Variants in CDH13 observed in about 807,000 individuals in gnomAD.
CDH13 encodes cadherin 13.
CDH13 carries 24 observed loss-of-function variants against 63.8 expected under a neutral mutation model. The ratio of observed to expected loss-of-function variants is 0.38; its 90% CI spans 0.27 to 0.53. CDH13 has a LOEUF of 0.53. CDH13 is among the 20% of genes least tolerant of loss of function. The probability of loss-of-function intolerance (pLI) is 0.85; values close to 1 mark genes in which losing one functional copy is unlikely to be tolerated. For synonymous variants in CDH13, 503 were observed against 355.3 expected, an observed-to-expected ratio of 1.42 and a Z score of -4.67; for missense variants, 1,049 against 903.1, an observed-to-expected ratio of 1.16 and a Z score of -2.07.
intron 1 of CDH13, among the ~76,000 whole-genome samples, chr16:82,646,839 G>C (rs1238242962): frequency 6.6e-6 from 1 of 152,160 alleles, no homozygotes; most frequent in South Asian, 2.1e-4. Flanking sequence ...TTATAAGCTC[G>C]AGGGAAGCCT....
chr16:83,624,041 A>G (rs1187165082), intron 8 of CDH13, among the ~76,000 whole-genome samples: 1 of 152,156 alleles, frequency 6.6e-6, no homozygotes, highest in Admixed American at 6.5e-5. Context: ...GGGGCTTTCC[A>G]GCTTCAGGTG....
intron 1 of CDH13, among the ~76,000 whole-genome samples, chr16:82,842,674 G>A (rs1304911943): frequency 1.3e-5 from 2 of 151,942 alleles, no homozygotes; most frequent in Non-Finnish European, 2.9e-5. Context: ...ATTTGGGGAT[G>A]ATTCAAGCAC....
At chr16:82,792,652 C>A (rs1420981015) in intron 1 of CDH13, among the ~76,000 whole-genome samples, 1 of 152,210 alleles carries the variant, frequency 6.6e-6, no homozygotes, top group African/African-American at 2.4e-5. Context: ...GGTGGACCTT[C>A]ATTCAGGGTG....
At chr16:82,651,186 T>C (rs1910679709) in intron 1 of CDH13, among the ~76,000 whole-genome samples, 1 of 152,250 alleles carries the variant, frequency 6.6e-6, no homozygotes, top group Admixed American at 6.5e-5. Flanking sequence ...TAATTATTAA[T>C]TTAATGACAT....
At position 83,192,826 on chromosome 16, in the gene CDH13, C is replaced by T. The variant is rs778084435; in HGVS notation, c.484-24519C>T. Reference sequence around the variant, plus strand: ...AACTGCCCCCTAAGTGTGGGTGGAACGGCCATTGCAATCGACTCGGGGCGA... The same window carrying T: ...AACTGCCCCCTAAGTGTGGGTGGAATGGCCATTGCAATCGACTCGGGGCGA... On this transcript the variant is annotated intron_variant, in intron 4 of 13. Transcript: ENST00000567109. Among the ~76,000 whole-genome samples the T allele has an allele frequency of 5.3e-5, 8 of 152,134 alleles. No homozygotes were observed. The Middle Eastern group carries it at 0.01, about 194-fold the overall frequency.
intron 1 of CDH13, among the ~76,000 whole-genome samples, chr16:82,744,573 G>T (rs912503277): frequency 3.3e-5 from 5 of 151,996 alleles, no homozygotes; most frequent in Non-Finnish European, 5.9e-5. Flanking sequence ...TTTCCCCTCA[G>T]TTCCTGTGTA....
chr16:83,438,609 T>C (rs980873913), intron 6 of CDH13, among the ~76,000 whole-genome samples: 14 of 152,202 alleles, frequency 9.2e-5, no homozygotes, highest in Admixed American at 9.2e-4. Flanking sequence ...AGACATTATT[T>C]AAAAAGCAAT....
intron 7 of CDH13, among the ~76,000 whole-genome samples, chr16:83,593,168 A>T (rs761417965): frequency 6.6e-6 from 1 of 152,246 alleles, no homozygotes; most frequent in Non-Finnish European, 1.5e-5. Context: ...TCATATTGCA[A>T]GGACGCTTGT....
chr16:83,439,786 AG>A (rs2072430175), intron 6 of CDH13, among the ~76,000 whole-genome samples: 1 of 152,214 alleles, frequency 6.6e-6, no homozygotes, highest in African/African-American at 2.4e-5. Context: ...TTAATGTCCC[AG>A]GCCAGCTCCT....
At chr16:83,547,081 A>C (rs76585756) in intron 7 of CDH13, among the ~76,000 whole-genome samples, 8 of 152,324 alleles carry the variant, frequency 5.3e-5, no homozygotes, top group Admixed American at 3.3e-4. Flanking sequence ...TGAATGTGTC[A>C]AGCACTGTGC....
At chr16:83,260,279 A>T (rs1276298792) in intron 5 of CDH13, among the ~76,000 whole-genome samples, 1 of 152,174 alleles carries the variant, frequency 6.6e-6, no homozygotes, top group Non-Finnish European at 1.5e-5. Flanking sequence ...TGAATTGTGA[A>T]ACCTGGTTTA....
At chr16:83,720,855 T>C (rs1265345652) in intron 10 of CDH13, among the ~76,000 whole-genome samples, 1 of 152,234 alleles carries the variant, frequency 6.6e-6, no homozygotes, top group African/African-American at 2.4e-5. Context: ...GGTCCTGTCA[T>C]AATTTTCTCC....
intron 1 of CDH13, among the ~76,000 whole-genome samples, chr16:82,729,612 A>G (rs1046446539): frequency 1.3e-5 from 2 of 151,992 alleles, no homozygotes; most frequent in East Asian, 3.9e-4. Context: ...GTAATTTAGG[A>G]TGATTATTTA....
chr16:83,420,241 T>G (rs1252387423), intron 6 of CDH13, among the ~76,000 whole-genome samples: 1 of 152,134 alleles, frequency 6.6e-6, no homozygotes, highest in Non-Finnish European at 1.5e-5. Flanking sequence ...TAGAGGTAAT[T>G]AAAAATATGA....
At chr16:83,247,064 G>C (rs1241756699) in intron 5 of CDH13, among the ~76,000 whole-genome samples, 1 of 152,180 alleles carries the variant, frequency 6.6e-6, no homozygotes, top group Non-Finnish European at 1.5e-5. Context: ...ATACAGGACT[G>C]TTTCAGTCAA....
intron 13 of CDH13, among the ~76,000 whole-genome samples, chr16:83,784,925 C>G (rs1235254078): frequency 1.3e-5 from 2 of 152,342 alleles, no homozygotes; most frequent in Non-Finnish European, 1.5e-5. Flanking sequence ...ATCTCACTGG[C>G]TTTCTAACTT....
At chr16:83,501,852 T>G (rs2074291161) in intron 7 of CDH13, among the ~76,000 whole-genome samples, 1 of 152,250 alleles carries the variant, frequency 6.6e-6, no homozygotes, top group Admixed American at 6.5e-5. Flanking sequence ...ATTTCTGTAT[T>G]CATTGCTCCT....
In CDH13 at chr16:82,847,869, T is replaced by C. The variant is rs76639780; in HGVS notation, c.46-10493T>C. The stretch of plus-strand genomic sequence containing the variant: ...TTGGCTTTTTGCCCCATGCTTTTCC[T>C]TGTTTTATTGTTTTCTTGTGCTTCA... On this transcript the variant is annotated intron_variant, in intron 1 of 13. Coordinates refer to ENST00000567109, the MANE Select transcript of CDH13 (RefSeq NM_001257.5). Among the ~76,000 whole-genome samples the C allele has an allele frequency of 5.0e-3, 750 of 149,080 alleles. 6 individuals carry two copies. The highest frequency in any genetic ancestry group is 0.017 in the African/African-American group (711 of 40,828).
intron 5 of CDH13, among the ~76,000 whole-genome samples, chr16:83,253,009 A>G (rs1905769504): frequency 6.6e-6 from 1 of 152,156 alleles, no homozygotes; most frequent in South Asian, 2.1e-4. Context: ...GGGTACTAAG[A>G]GAATTGAGGT....
Sources: gnomAD v4.1 joint callset for allele counts (sites outside exome capture counted in the v4.1 genomes callset) on GRCh38, gnomAD v4.1.1 for gene constraint, MANE v1.5 for transcripts, NCBI Gene and HGNC (gene_info 2026-07-23, HGNC 2026-07-21) for gene names.